The following NGEF variants were observed in gnomAD, a reference collection of about 807,000 sequenced individuals.
The protein encoded by NGEF is ephexin-1.
Under a neutral mutation model 80.9 loss-of-function variants are expected in NGEF, and 31 were observed. The observed-to-expected ratio is 0.38, with a 90% CI of 0.29 to 0.52. The LOEUF is 0.52. Among genes scored for constraint, NGEF ranks in the 20% least tolerant of loss-of-function variants. The pLI, the probability that NGEF is intolerant of heterozygous loss-of-function variation, is 0.84. For synonymous variants in NGEF, 371 were observed against 370.2 expected, an observed-to-expected ratio of 1.00 and a Z score of -0.03; for missense variants, 709 against 926.2, an observed-to-expected ratio of 0.77 and a Z score of 3.04.
intron 4 of NGEF, 23 bp downstream of exon 4, chr2:232,927,021 C>A: frequency 6.2e-7 from 1 of 1,613,948 alleles, no homozygotes; most frequent in African/African-American, 1.3e-5. Context: ...CAAATAAAAC[C>A]CGGTTACTGC....
chr2:232,979,141 C>A (rs1694356485), intron 1 of NGEF, among the ~76,000 whole-genome samples: 1 of 152,054 alleles, frequency 6.6e-6, no homozygotes, highest in Non-Finnish European at 1.5e-5. Flanking sequence ...TAACATCAGG[C>A]AAGTCAGGGC....
intron 5 of NGEF, chr2:232,905,710 C>T (rs774299747): frequency 1.8e-5 from 7 of 397,774 alleles, no homozygotes; most frequent in Non-Finnish European, 2.5e-5. Flanking sequence ...CATCTCCGCC[C>T]GGCCGCCCAT....
intron 3 of NGEF, among the ~76,000 whole-genome samples, chr2:232,940,212 G>T (rs1574625068): frequency 6.6e-6 from 1 of 152,256 alleles, no homozygotes; most frequent in East Asian, 1.9e-4. Flanking sequence ...TGTCTCATAA[G>T]GAAACTGGTG....
At chr2:232,939,165 G>A (rs1420396263) in intron 3 of NGEF, among the ~76,000 whole-genome samples, 3 of 99,998 alleles carry the variant, frequency 3.0e-5, no homozygotes, top group African/African-American at 1.2e-4. Context: ...GCAACAGCAA[G>A]ACTCAGTCTC....
chr2:232,927,966 A>C, intron 3 of NGEF: 1 of 1,280,112 alleles, frequency 7.8e-7, no homozygotes. Flanking sequence ...TCCACGGCGC[A>C]GGCGGCGCTG....
At chr2:232,904,194 G>A (rs754549542) in intron 5 of NGEF, among the ~76,000 whole-genome samples, 1 of 152,098 alleles carries the variant, frequency 6.6e-6, no homozygotes, top group Non-Finnish European at 1.5e-5. Flanking sequence ...CCCACAGCCT[G>A]GGCAGGCTGT....
intron 3 of NGEF, among the ~76,000 whole-genome samples, chr2:232,935,400 T>C (rs1693308401): frequency 6.6e-6 from 1 of 152,212 alleles, no homozygotes; most frequent in African/African-American, 2.4e-5. Flanking sequence ...GGCAGATCAC[T>C]TGAGGTCAGG....
chr2:232,995,367 A>ACAG lies in NGEF; in HGVS notation c.-75+17700_-75+17701insCTG, dbSNP rs1694787982. On this transcript the variant is annotated intron_variant, in intron 1 of 14. Transcript: ENST00000264051. Reference sequence around the variant, plus strand: ...ATACAGTATGTATACTGTATACTGTATATATATACACAGTATGTATACTGT... The same window carrying ACAG: ...ATACAGTATGTATACTGTATACTGTACAGTATATATACACAGTATGTATACTGT... Among the ~76,000 whole-genome samples the ACAG allele has an allele frequency of 4.8e-4, 4 of 8,300 alleles. 2 individuals carry two copies. Among genetic ancestry groups the ACAG allele is most frequent in the African/African-American group, 3.3e-3 (4 of 1,216 alleles). 5.4% of individuals were successfully genotyped at this position (8,300 alleles called of 152,430 possible).
At chr2:232,945,842 C>A (rs1693545527) in intron 3 of NGEF, among the ~76,000 whole-genome samples, 1 of 140,894 alleles carries the variant, frequency 7.1e-6, no homozygotes, top group Non-Finnish European at 1.5e-5. Flanking sequence ...TAGAATAGAG[C>A]AATGTCTCAC....
rs151337708 is a variant in NGEF at position 232,956,112 on chromosome 2, A to G, written c.383+14102T>C. Among the ~76,000 whole-genome samples, 502 of 152,236 alleles carry G rather than the reference A, an allele frequency of 3.3e-3. 2 individuals are homozygous for G. Among genetic ancestry groups the G allele is most frequent in the African/African-American group, 0.011 (460 of 41,526 alleles). ...TCAGACGCCGCTCCTTTCCTTGTAAATATGAGGTAATTGAGGCTTGAGGAG... is the reference window on the plus strand; with the variant it reads ...TCAGACGCCGCTCCTTTCCTTGTAAGTATGAGGTAATTGAGGCTTGAGGAG... On this transcript the variant is annotated intron_variant, in intron 3 of 14. Coordinates refer to ENST00000264051, the MANE Select transcript of NGEF (RefSeq NM_019850.3).
chr2:232,945,904 C>T lies in NGEF; in HGVS notation c.384-18718G>A, dbSNP rs189178765. Reference sequence around the variant, plus strand: ...CTCACTGTTAGAAAAGCAACATGTACGAAAAAAAATACTTGCACACCCATG... The same window carrying T: ...CTCACTGTTAGAAAAGCAACATGTATGAAAAAAAATACTTGCACACCCATG... On this transcript the variant is annotated intron_variant, in intron 3 of 14. Coordinates refer to ENST00000264051, the MANE Select transcript of NGEF (RefSeq NM_019850.3). Among the ~76,000 whole-genome samples, 21 of 151,488 alleles carry T rather than the reference C, an allele frequency of 1.4e-4. No homozygotes were observed. The East Asian group carries it at 2.5e-3, about 18-fold the overall frequency.
chr2:232,922,212 CT>C (rs1262354132), intron 4 of NGEF, among the ~76,000 whole-genome samples: 6 of 152,198 alleles, frequency 3.9e-5, no homozygotes, highest in Non-Finnish European at 8.8e-5. Flanking sequence ...ATTATTCCTT[CT>C]TTATCTAATT....
intron 1 of NGEF, among the ~76,000 whole-genome samples, chr2:233,007,343 A>G (rs1695105515): frequency 6.6e-6 from 1 of 152,238 alleles, no homozygotes; most frequent in South Asian, 2.1e-4. Context: ...GGGGGAACAA[A>G]GGTAGATAAT....
In NGEF at chr2:232,879,545, G is replaced by A. The variant is rs1472660764; in HGVS notation, c.2077C>T (p.Pro693Ser). ...CGGTCCTTGTTCTGGCTGCGCTGAG[G>A]GTCATCCATCTTGTGGACACGGAAA... The part of the protein sequence containing the change: ...ECFRVHKMDD[P>S]QRSQNKDRRK... The change falls in exon 15 of 15, where the codon CCT (proline) becomes TCT (serine). Residue 693 changes from proline (P) to serine (S), a missense_variant. By Grantham distance (74) the Pro-to-Ser change is moderately conservative. Transcript: ENST00000264051. The A allele has an allele frequency of 6.2e-7, 1 of 1,613,752 alleles. No homozygotes were observed. The highest frequency in any genetic ancestry group is 1.3e-5 in the African/African-American group (1 of 74,922).
At chr2:232,900,774 A>T (rs138780562) in intron 5 of NGEF, among the ~76,000 whole-genome samples, 1 of 142,148 alleles carries the variant, frequency 7.0e-6, no homozygotes, top group Non-Finnish European at 1.5e-5. Context: ...ACACGCTCTC[A>T]CACTCATGCA....
At chr2:232,983,354 A>T (rs900704150) in intron 1 of NGEF, among the ~76,000 whole-genome samples, 1 of 151,916 alleles carries the variant, frequency 6.6e-6, no homozygotes, top group Non-Finnish European at 1.5e-5. Flanking sequence ...GCGGTGAGGG[A>T]AGGAGGAGGG....
chr2:232,902,996 CAAAACA>C (rs1419209794), intron 5 of NGEF, among the ~76,000 whole-genome samples: 6 of 114,184 alleles, frequency 5.3e-5, no homozygotes, highest in Non-Finnish European at 9.3e-5. Flanking sequence ...TGTCTTAAAA[CAAAACA>C]AAAACAAAAC....
intron 3 of NGEF, among the ~76,000 whole-genome samples, chr2:232,941,810 C>G (rs1181561461): frequency 1.3e-5 from 2 of 152,194 alleles, no homozygotes; most frequent in Non-Finnish European, 2.9e-5. Context: ...CTACATAAAT[C>G]TACCTCTGCA....
chr2:233,006,771 A>G (rs116118590), intron 1 of NGEF, among the ~76,000 whole-genome samples: 1,802 of 152,196 alleles, frequency 0.012, 37 homozygotes, highest in African/African-American at 0.041. Flanking sequence ...TACTTGTCCT[A>G]TTTCTTTCAC....
Sources: gnomAD v4.1 joint callset for allele counts (sites outside exome capture counted in the v4.1 genomes callset) on GRCh38, gnomAD v4.1.1 for gene constraint, MANE v1.5 for transcripts, NCBI Gene and HGNC (gene_info 2026-07-23, HGNC 2026-07-21) for gene names.